Variants in DNAH11 observed in about 807,000 individuals in gnomAD.
DNAH11 encodes dynein axonemal heavy chain 11, also known as axonemal beta dynein heavy chain 11.
Under a neutral mutation model 526.0 loss-of-function variants are expected in DNAH11, and 442 were observed. That is an observed-to-expected ratio of 0.84 (90% CI 0.78 to 0.91). DNAH11 has a LOEUF of 0.91. Among genes scored for constraint, DNAH11 ranks in the 40% least tolerant of loss-of-function variants. The probability of loss-of-function intolerance (pLI) is 0.00; values close to 1 mark genes in which losing one functional copy is unlikely to be tolerated. For missense variants in DNAH11, 6,989 were observed against 5,448.7 expected (o/e 1.28, Z -8.90); for synonymous variants, 2,461 against 1,935.9 (o/e 1.27, Z -7.12).
At chr7:21,772,897 C>T (rs1261652252) in intron 55 of DNAH11, among the ~76,000 whole-genome samples, 1 of 152,162 alleles carries the variant, frequency 6.6e-6, no homozygotes, top group African/African-American at 2.4e-5. Context: ...TGTTTGACTG[C>T]ATCACCAGCC....
chr7:21,873,746 G>T (rs1382290342), intron 74 of DNAH11, among the ~76,000 whole-genome samples: 2 of 143,922 alleles, frequency 1.4e-5, no homozygotes, highest in Non-Finnish European at 3.0e-5. Context: ...CAGCTACTGT[G>T]TAGGGAAAGC....
intron 62 of DNAH11, among the ~76,000 whole-genome samples, chr7:21,805,800 AT>A (rs960366255): frequency 9.2e-5 from 14 of 152,300 alleles, no homozygotes; most frequent in African/African-American, 3.4e-4. Flanking sequence ...AAAAATATAT[AT>A]TTTTAAAGGA....
chr7:21,647,097 T>C (rs1787389350), intron 28 of DNAH11, among the ~76,000 whole-genome samples: 1 of 152,140 alleles, frequency 6.6e-6, no homozygotes, highest in African/African-American at 2.4e-5. Flanking sequence ...CTGGAAAATA[T>C]CAGAGAGCTT....
In DNAH11 at chr7:21,606,615, CTTTTTTT is replaced by C. The variant is rs372802563; in HGVS notation, c.3766-18_3766-12del. The C allele has an allele frequency of 1.8e-3, 2,195 of 1,195,458 alleles. 8 individuals carry two copies. In the African/African-American group the frequency reaches 0.019, roughly 10 times the overall value. The allele number at this position is 1,195,458 out of a possible 1,614,324, so 74.1% of individuals were successfully genotyped here. On this transcript the variant is annotated intron_variant, in intron 19 of 81. Coordinates refer to ENST00000409508, the MANE Select transcript of DNAH11 (RefSeq NM_001277115.2). ...AATTGAAGTATTTGTTTGAAATTCA[CTTTTTTT>C]TTTTTTTTTTTTTGCAATGATCAGG...
chr7:21,740,789 G>T (rs1010505144), intron 48 of DNAH11, among the ~76,000 whole-genome samples: 4 of 152,078 alleles, frequency 2.6e-5, no homozygotes, highest in African/African-American at 9.7e-5. Context: ...AATTTTTTGA[G>T]GAATCATCAT....
rs1016473135 is a variant in DNAH11, at chr7:21,638,964, G to A, written c.4843G>A (p.Ala1615Thr). ...SRLSLCEKAL[A>T]EYLETKRIAF... ...GCTTTCTCTTTGTGAAAAAGCTCTC[G>A]CTGAATACCTGGAAACCAAGCGCAT... Residue 1615 changes from alanine (A) to threonine (T), a missense_variant, in exon 28 of 82, where the codon GCT becomes ACT. Transcript: ENST00000409508. 10 of 1,611,302 alleles carry A rather than the reference G, an allele frequency of 6.2e-6. No individual in the cohort carries two copies. The Admixed American group carries it at 8.4e-5, about 14-fold the overall frequency.
Position 21,738,722 on chromosome 7 carries a change from A to G in DNAH11, c.7667A>G (p.Glu2556Gly), listed in dbSNP as rs938990985. ...ALQKILEKPL[E>G]KKAGHNYGPG... ...TCAGAAATTCTTGAGAAACCCCTAG[A>G]GAAAAAAGCTGGTCATAACTATGGT... The change falls in exon 47 of 82, where the codon GAG (glutamate) becomes GGG (glycine). Residue 2556 changes from glutamate (E) to glycine (G), a missense_variant. Physicochemically the swap from Glu to Gly is moderately conservative, Grantham distance 98. Transcript: ENST00000409508. 1.9e-6 allele frequency: 3 copies of G among 1,579,510 alleles called. No homozygotes were observed.
chr7:21,657,515 G>A (rs10238210), intron 29 of DNAH11, among the ~76,000 whole-genome samples: 13,143 of 152,200 alleles, frequency 0.086, 736 homozygotes, highest in African/African-American at 0.16. Flanking sequence ...ATATTGACAT[G>A]TATGTGTGTT....
chr7:21,625,260 G>T (rs1786274896), intron 25 of DNAH11, among the ~76,000 whole-genome samples: 1 of 151,944 alleles, frequency 6.6e-6, no homozygotes, highest in African/African-American at 2.4e-5. Context: ...GTCTTGGTAG[G>T]TTGTATGTTT....
At chr7:21,681,857 G>A (rs1276150626) in intron 31 of DNAH11, 180 bp downstream of exon 31, 3 of 797,380 alleles carry the variant, frequency 3.8e-6, no homozygotes, top group Non-Finnish European at 6.4e-6. Flanking sequence ...TTATTCTGAT[G>A]AGACCTATTC....
Position 21,854,378 on chromosome 7 carries a change from G to A in DNAH11, c.11125G>A (p.Ala3709Thr). 5 of 1,613,752 alleles carry A rather than the reference G, an allele frequency of 3.1e-6. No homozygotes were observed. The highest frequency in any genetic ancestry group is 4.2e-6 in the Non-Finnish European group (5 of 1,179,808). Residue 3709 changes from alanine (A) to threonine (T), a missense_variant, in exon 68 of 82, where the codon GCA becomes ACA. Transcript: ENST00000409508. Reference sequence around the variant, plus strand: ...GGCCCGAGAATGTTACAGACCAGTGGCAGCAAGAGCATCTCTTCTTTATTT... The same window carrying A: ...GGCCCGAGAATGTTACAGACCAGTGACAGCAAGAGCATCTCTTCTTTATTT... ...NEARECYRPVAARASLLYFVI... is the reference protein window; with the variant it reads ...NEARECYRPVTARASLLYFVI...
rs77779430 is a variant in DNAH11 at position 21,629,055 on chromosome 7, C to T, written c.4501-6816C>T. Among the ~76,000 whole-genome samples the T allele has an allele frequency of 8.7e-3, 1,325 of 152,072 alleles. 28 individuals carry two copies. Among genetic ancestry groups the T allele is most frequent in the African/African-American group, 0.031 (1,271 of 41,496 alleles). ...TATGTGCTTATTGCTCTAAACTTTCCTCTTATTACTGGCTTTTACTGTATC... is the reference window on the plus strand; with the variant it reads ...TATGTGCTTATTGCTCTAAACTTTCTTCTTATTACTGGCTTTTACTGTATC... On this transcript the variant is annotated intron_variant, in intron 25 of 81. Coordinates refer to ENST00000409508, the MANE Select transcript of DNAH11 (RefSeq NM_001277115.2).
intron 44 of DNAH11, among the ~76,000 whole-genome samples, chr7:21,722,750 A>G (rs1011051881): frequency 3.3e-5 from 5 of 152,190 alleles, no homozygotes. Context: ...ACGGTTTACA[A>G]CATGTGTGGG....
rs759302236 is a variant in DNAH11 at position 21,725,810 on chromosome 7, G to A, written c.7267-1G>A. 2.5e-6 allele frequency: 4 copies of A among 1,608,900 alleles called. No homozygotes were observed. Among genetic ancestry groups the A allele is most frequent in the Non-Finnish European group, 8.5e-7 (1 of 1,177,500 alleles). ...ATAAGGATTTCTTTTGTTCTCCTTA[G>A]ATTTCTGATTATCAAGCTGACTTCA... On this transcript the variant is annotated splice_acceptor_variant, in intron 44 of 81. Transcript: ENST00000409508. LOFTEE classifies it high-confidence loss of function.
At chr7:21,828,136 A>G (rs537841329) in intron 65 of DNAH11, among the ~76,000 whole-genome samples, 16 of 152,172 alleles carry the variant, frequency 1.1e-4, no homozygotes, top group African/African-American at 3.6e-4. Flanking sequence ...TTTAGTAGAG[A>G]TGGGGTTTCA....
In DNAH11 at chr7:21,786,892, A is replaced by G. The variant is rs1788218507; in HGVS notation, c.9741+125A>G. 5.9e-6 allele frequency: 8 copies of G among 1,367,322 alleles called. No homozygotes were observed. In the South Asian group the frequency reaches 9.7e-5, roughly 17 times the overall value. The allele number at this position is 1,367,322 out of a possible 1,614,324, so 84.7% of individuals were successfully genotyped here. A position where few individuals can be genotyped will look rare whatever the true frequency, so the allele number is the denominator to read the frequency against. ...AATCATCTTCATAGTTGCTGAATGT[A>G]ATCTACTGTATATGTTCTCTAGACT... On this transcript the variant is annotated intron_variant, in intron 59 of 81. Coordinates refer to ENST00000409508, the MANE Select transcript of DNAH11 (RefSeq NM_001277115.2).
chr7:21,606,587 G>C, intron 19 of DNAH11, 45 bp downstream of exon 19: 1 of 1,499,380 alleles, frequency 6.7e-7, no homozygotes, highest in Non-Finnish European at 9.1e-7. Context: ...GTTTTACTAG[G>C]ATAATTGAAG....
chr7:21,830,640 A>T (rs1249365654), intron 65 of DNAH11, among the ~76,000 whole-genome samples: 2 of 152,080 alleles, frequency 1.3e-5, no homozygotes, highest in African/African-American at 4.8e-5. Flanking sequence ...TCTGCCTCTA[A>T]GCTAAGCCAC....
At chr7:21,813,467 A>G (rs1789622301) in intron 63 of DNAH11, among the ~76,000 whole-genome samples, 1 of 152,224 alleles carries the variant, frequency 6.6e-6, no homozygotes, top group Admixed American at 6.5e-5. Context: ...AATTTTGTGA[A>G]CAGGTAAAGC....
Sources: allele counts gnomAD v4.1 joint callset (sites outside exome capture counted in the v4.1 genomes callset), GRCh38; gene constraint gnomAD v4.1.1; transcripts MANE v1.5; gene names NCBI Gene and HGNC (gene_info 2026-07-23, HGNC 2026-07-21).